Variants in FUNDC2 observed in about 807,000 individuals in gnomAD.
The protein encoded by FUNDC2 is FUN14 domain-containing protein 2.
Under a neutral mutation model 15.6 loss-of-function variants are expected in FUNDC2, and 4 were observed. The ratio of observed to expected loss-of-function variants is 0.26; its 90% CI spans 0.13 to 0.59. The LOEUF (loss-of-function observed/expected upper bound fraction) is 0.59. Among genes scored for constraint, FUNDC2 ranks in the 20% least tolerant of loss-of-function variants. The pLI is 0.90. For missense variants in FUNDC2, 98 were observed against 149.7 expected (o/e 0.65, Z 1.80); for synonymous variants, 44 against 56.9 (o/e 0.77, Z 1.02).
At chrX:155,040,042 C>A (rs1465409326) in intron 2 of FUNDC2, among the ~76,000 whole-genome samples, 5 of 111,688 alleles carry the variant, frequency 4.5e-5, no homozygotes, top group Non-Finnish European at 9.4e-5. Context: ...CTGTAGTTTT[C>A]AGTGTATGGA....
rs2073900683 is a variant in FUNDC2 at position 155,056,766 on chromosome X, G to A, written c.*2094G>A. 9.0e-6 allele frequency: 1 copy of A among 111,587 alleles called. No individual in the cohort carries two copies. Among genetic ancestry groups the A allele is most frequent in the African/African-American group, 3.3e-5 (1 of 30,639 alleles). 9.2% of individuals were successfully genotyped at this position (111,587 alleles called of 1,213,427 possible). A position where few individuals can be genotyped will look rare whatever the true frequency, so the allele number is the denominator to read the frequency against. ...TGCTCTGTGCCCCTTTGGGTTGCATGTGGGGAGACTGGCCACCCAATGCCT... is the reference window on the plus strand; with the variant it reads ...TGCTCTGTGCCCCTTTGGGTTGCATATGGGGAGACTGGCCACCCAATGCCT... On this transcript the variant is annotated 3_prime_UTR_variant, in exon 5 of 5. Transcript: ENST00000369498.
chrX:155,028,727 G>A (rs782316251), intron 1 of FUNDC2, among the ~76,000 whole-genome samples: 11 of 111,468 alleles, frequency 9.9e-5, no homozygotes, highest in Non-Finnish European at 1.5e-4. Context: ...AAAATCAAAT[G>A]ACTATATGTG....
chrX:155,057,751 T>C lies in FUNDC2; in HGVS notation c.*3079T>C, dbSNP rs2073912584. The C allele has an allele frequency of 9.0e-6, 1 of 111,434 alleles. No individual in the cohort carries two copies. Among genetic ancestry groups the C allele is most frequent in the South Asian group, 3.8e-4 (1 of 2,628 alleles). 9.2% of individuals were successfully genotyped at this position (111,434 alleles called of 1,213,427 possible). A position where few individuals can be genotyped will look rare whatever the true frequency, so the allele number is the denominator to read the frequency against. On this transcript the variant is annotated 3_prime_UTR_variant, in exon 5 of 5. Coordinates refer to ENST00000369498, the MANE Select transcript of FUNDC2 (RefSeq NM_023934.4). ...CTTTGACCCAGCGTCTCTCCCGCAA[T>C]GGGACCTGGTGGGATGGGGACTTGG...
At chrX:155,044,640 G>T (rs984707594) in intron 2 of FUNDC2, among the ~76,000 whole-genome samples, 10 of 112,277 alleles carry the variant, frequency 8.9e-5, no homozygotes, top group Non-Finnish European at 1.7e-4. Context: ...TCAGGGAAAT[G>T]CAAATTAAAA....
rs1171726931 is a variant in FUNDC2, at chrX:155,058,969, T to C, written c.*4297T>C. On this transcript the variant is annotated 3_prime_UTR_variant, in exon 5 of 5. Transcript: ENST00000369498. Reference sequence around the variant, plus strand: ...TGAGAGCAGTGGCTTTCATCCTTGCTTGCACTTGGGAATCACCTGTGAAAT... The same window carrying C: ...TGAGAGCAGTGGCTTTCATCCTTGCCTGCACTTGGGAATCACCTGTGAAAT... 8.9e-6 allele frequency: 1 copy of C among 111,993 alleles called. No homozygotes were observed. The highest frequency in any genetic ancestry group is 2.8e-4 in the East Asian group (1 of 3,593). The allele number at this position is 111,993 out of a possible 1,213,427, so 9.2% of individuals were successfully genotyped here.
rs1037645847 is a variant in FUNDC2, at chrX:155,056,236, C to G, written c.*1564C>G. 8.0e-5 allele frequency: 9 copies of G among 111,945 alleles called. No individual in the cohort carries two copies. Among genetic ancestry groups the G allele is most frequent in the Non-Finnish European group, 1.5e-4 (8 of 53,180 alleles). The allele number at this position is 111,945 out of a possible 1,213,427, so 9.2% of individuals were successfully genotyped here. A position where few individuals can be genotyped will look rare whatever the true frequency, so the allele number is the denominator to read the frequency against. ...TCTATCACTCACTCACAACAATCATCAAATTATAGCTCTGCTGGTTTTTAC... is the reference window on the plus strand; with the variant it reads ...TCTATCACTCACTCACAACAATCATGAAATTATAGCTCTGCTGGTTTTTAC... On this transcript the variant is annotated 3_prime_UTR_variant, in exon 5 of 5. Transcript: ENST00000369498.
In FUNDC2 at chrX:155,057,775, G is replaced by A. The variant is rs782094030; in HGVS notation, c.*3103G>A. The A allele has an allele frequency of 9.0e-6, 1 of 111,354 alleles. No individual in the cohort carries two copies. Among genetic ancestry groups the A allele is most frequent in the Non-Finnish European group, 1.9e-5 (1 of 53,039 alleles). 9.2% of individuals were successfully genotyped at this position (111,354 alleles called of 1,213,427 possible). A position where few individuals can be genotyped will look rare whatever the true frequency, so the allele number is the denominator to read the frequency against. ...ATGGGACCTGGTGGGATGGGGACTT[G>A]GAGCATGCTACAGGAGAGGTAGAAC... On this transcript the variant is annotated 3_prime_UTR_variant, in exon 5 of 5. Coordinates refer to ENST00000369498, the MANE Select transcript of FUNDC2 (RefSeq NM_023934.4).
chrX:155,033,547 C>T lies in FUNDC2; in HGVS notation c.278C>T (p.Thr93Ile). Reference protein sequence around the residue: ...VATQLFIGGVTGWCTGFIFQK... With the variant: ...VATQLFIGGVIGWCTGFIFQK... ...ACCCAGCTGTTCATTGGAGGTGTCA[C>T]TGGATGGTAAGTGATGTGAAAGATG... Residue 93 changes from threonine (T) to isoleucine (I), a missense_variant, in exon 2 of 5, where the codon ACT becomes ATT. Physicochemically the swap from Thr to Ile is moderately conservative, Grantham distance 89. Transcript: ENST00000369498. 1 of 1,209,064 alleles carries T rather than the reference C, an allele frequency of 8.3e-7. No homozygotes were observed. The highest frequency in any genetic ancestry group is 1.1e-6 in the Non-Finnish European group (1 of 893,363).
chrX:155,043,828 T>C (rs1408697453), intron 2 of FUNDC2, among the ~76,000 whole-genome samples: 8 of 112,499 alleles, frequency 7.1e-5, no homozygotes, highest in Admixed American at 1.9e-4. Flanking sequence ...CATCTAACTT[T>C]TGTTTAAAAA....
intron 1 of FUNDC2, among the ~76,000 whole-genome samples, chrX:155,027,933 C>G (rs1557288429): frequency 8.9e-6 from 1 of 111,784 alleles, no homozygotes. Flanking sequence ...CACTACAAAT[C>G]AGCCCTTGCC....
intron 1 of FUNDC2, among the ~76,000 whole-genome samples, chrX:155,029,992 AC>A (rs2073809405): frequency 9.0e-6 from 1 of 110,820 alleles, no homozygotes; most frequent in African/African-American, 3.3e-5. Flanking sequence ...ATTTACTACA[AC>A]ATAATTTTTG....
chrX:155,053,818 T>C (rs1266694957), intron 4 of FUNDC2: 1 of 751,075 alleles, frequency 1.3e-6, no homozygotes, highest in Non-Finnish European at 1.6e-6. Context: ...GAACACTTTC[T>C]AAGGTGGTGA....
intron 2 of FUNDC2, among the ~76,000 whole-genome samples, chrX:155,042,072 AAAAAAAAAAAAAAAG>A (rs1263317638): frequency 9.4e-6 from 1 of 106,516 alleles, no homozygotes; most frequent in African/African-American, 3.4e-5. Context: ...CCGTCTCAAA[AAAAAAAAAAAAAAAG>A]AAAAAAAAGA....
intron 2 of FUNDC2, among the ~76,000 whole-genome samples, chrX:155,036,180 A>G (rs1479601456): frequency 8.9e-6 from 1 of 112,010 alleles, no homozygotes; most frequent in Non-Finnish European, 1.9e-5. Context: ...AACACTTGGT[A>G]TTATCTTTTT....
chrX:155,027,937 C>T (rs1436672262), intron 1 of FUNDC2, among the ~76,000 whole-genome samples: 1 of 111,550 alleles, frequency 9.0e-6, no homozygotes, highest in Non-Finnish European at 1.9e-5. Flanking sequence ...ACAAATCAGC[C>T]CTTGCCTAAA....
At chrX:155,031,172 T>C (rs2073813816) in intron 1 of FUNDC2, among the ~76,000 whole-genome samples, 1 of 111,740 alleles carries the variant, frequency 8.9e-6, no homozygotes, top group African/African-American at 3.3e-5. Context: ...CTGAATAACT[T>C]TTGTGTACCT....
chrX:155,048,444 C>G (rs782004030), intron 3 of FUNDC2, among the ~76,000 whole-genome samples: 1 of 112,382 alleles, frequency 8.9e-6, no homozygotes, highest in Non-Finnish European at 1.9e-5. Context: ...TTTCATATAT[C>G]AGAACCCATG....
At chrX:155,031,520 G>A (rs2073815008) in intron 1 of FUNDC2, among the ~76,000 whole-genome samples, 1 of 111,785 alleles carries the variant, frequency 8.9e-6, no homozygotes, top group Non-Finnish European at 1.9e-5. Flanking sequence ...AGTAGAAACA[G>A]GGTTTCACCA....
chrX:155,044,906 C>A (rs1338844197), intron 2 of FUNDC2, among the ~76,000 whole-genome samples: 1 of 112,020 alleles, frequency 8.9e-6, no homozygotes, highest in East Asian at 2.8e-4. Context: ...GATATCTGCC[C>A]TCTCATGTTC....
Sources: allele counts gnomAD v4.1 joint callset (sites outside exome capture counted in the v4.1 genomes callset), GRCh38; gene constraint gnomAD v4.1.1; transcripts MANE v1.5; gene names NCBI Gene and HGNC (gene_info 2026-07-23, HGNC 2026-07-21).